CTNND2: variants seen among roughly 807,000 people sequenced by gnomAD.
The protein encoded by CTNND2 is catenin delta-2.
In CTNND2, 22 loss-of-function variants were observed where a neutral mutation model predicts 144.4. The ratio of observed to expected loss-of-function variants is 0.15; its 90% CI spans 0.11 to 0.22. The LOEUF (loss-of-function observed/expected upper bound fraction) is 0.22, where lower values mean the gene tolerates loss of function less well. Ranked by LOEUF, CTNND2 falls within the 10% of genes least tolerant of loss-of-function variation. The pLI, the probability that CTNND2 is intolerant of heterozygous loss-of-function variation, is 1.00. For missense variants in CTNND2, 1,353 were observed against 1,618.8 expected, an observed-to-expected ratio of 0.84 and a Z score of 2.82; for synonymous variants, 751 against 695.6, an observed-to-expected ratio of 1.08 and a Z score of -1.25.
intron 2 of CTNND2, among the ~76,000 whole-genome samples, chr5:11,655,278 G>A (rs1782853828): frequency 6.6e-6 from 1 of 151,456 alleles, no homozygotes; most frequent in Non-Finnish European, 1.5e-5. Flanking sequence ...TTTTTAGGCA[G>A]ATAATATTTA....
At chr5:11,062,131 A>G (rs894812624) in intron 16 of CTNND2, among the ~76,000 whole-genome samples, 1 of 152,250 alleles carries the variant, frequency 6.6e-6, no homozygotes, top group Non-Finnish European at 1.5e-5. Context: ...TGAATGAATG[A>G]GGAGATAAAT....
At chr5:11,131,325 T>G (rs1755571243) in intron 12 of CTNND2, among the ~76,000 whole-genome samples, 1 of 152,170 alleles carries the variant, frequency 6.6e-6, no homozygotes, top group South Asian at 2.1e-4. Context: ...ACCAATGTGA[T>G]CCAATTCCTT....
intron 1 of CTNND2, among the ~76,000 whole-genome samples, chr5:11,895,715 G>A (rs536227791): frequency 6.6e-6 from 1 of 152,208 alleles, no homozygotes; most frequent in Non-Finnish European, 1.5e-5. Context: ...AGACATGACA[G>A]AGTGACATAA....
chr5:11,212,661 G>A (rs987378520), intron 10 of CTNND2, among the ~76,000 whole-genome samples: 1 of 152,228 alleles, frequency 6.6e-6, no homozygotes, highest in Non-Finnish European at 1.5e-5. Context: ...AGCGTGGCAC[G>A]TTTCTAGAGA....
At position 11,334,709 on chromosome 5, in the gene CTNND2, G is replaced by C. The variant is rs73057820; in HGVS notation, c.1628+11663C>G. 7.7e-3 allele frequency among the ~76,000 whole-genome samples: 1,178 copies of C among 152,326 alleles called. 16 individuals are homozygous for C. The highest frequency in any genetic ancestry group is 0.027 in the African/African-American group (1,116 of 41,570). On this transcript the variant is annotated intron_variant, in intron 9 of 21. Coordinates refer to ENST00000304623, the MANE Select transcript of CTNND2 (RefSeq NM_001332.4). The stretch of plus-strand genomic sequence containing the variant: ...CTCACTGTAGCATCCTTCAAGAGCA[G>C]ATAGATAGGGTAGATGGAGGCCCTC...
intron 1 of CTNND2, among the ~76,000 whole-genome samples, chr5:11,739,715 A>C (rs1156323815): frequency 1.3e-5 from 2 of 152,312 alleles, no homozygotes; most frequent in African/African-American, 4.8e-5. Flanking sequence ...GGAGAAAGAA[A>C]TAACGGGTAT....
At chr5:11,708,288 G>T (rs976192317) in intron 2 of CTNND2, among the ~76,000 whole-genome samples, 1 of 151,928 alleles carries the variant, frequency 6.6e-6, no homozygotes, top group Non-Finnish European at 1.5e-5. Flanking sequence ...GTAATAAATT[G>T]TATTTAATTT....
At chr5:11,704,371 G>A (rs1369166875) in intron 2 of CTNND2, among the ~76,000 whole-genome samples, 2 of 152,132 alleles carry the variant, frequency 1.3e-5, no homozygotes, top group African/African-American at 2.4e-5. Flanking sequence ...TTTTCACTTC[G>A]GTCAAGAAAC....
chr5:11,086,281 A>C (rs1750134894), intron 15 of CTNND2, among the ~76,000 whole-genome samples: 1 of 152,098 alleles, frequency 6.6e-6, no homozygotes, highest in Non-Finnish European at 1.5e-5. Flanking sequence ...GAGATGGTCC[A>C]ATCACCAATC....
intron 9 of CTNND2, among the ~76,000 whole-genome samples, chr5:11,245,939 T>C (rs1310897350): frequency 5.9e-5 from 9 of 152,202 alleles, no homozygotes; most frequent in Admixed American, 4.6e-4. Context: ...CTCTCGTTCA[T>C]CTAAGAGTTG....
intron 18 of CTNND2, among the ~76,000 whole-genome samples, chr5:10,999,388 C>T (rs1437948507): frequency 1.3e-5 from 2 of 152,134 alleles, no homozygotes; most frequent in Non-Finnish European, 2.9e-5. Flanking sequence ...CCAGAGACTT[C>T]TTTTGTGAAT....
chr5:11,662,416 T>C (rs1783319715), intron 2 of CTNND2, among the ~76,000 whole-genome samples: 1 of 151,682 alleles, frequency 6.6e-6, no homozygotes, highest in African/African-American at 2.4e-5. Context: ...GCTGAAGAAC[T>C]TGGAGTCCAA....
At chr5:11,033,585 C>T (rs1370783173) in intron 16 of CTNND2, among the ~76,000 whole-genome samples, 1 of 152,136 alleles carries the variant, frequency 6.6e-6, no homozygotes, top group Middle Eastern at 3.2e-3. Context: ...AATCCCAGCA[C>T]TTTGGGAGGC....
intron 2 of CTNND2, among the ~76,000 whole-genome samples, chr5:11,729,775 T>C (rs901230472): frequency 2.0e-5 from 3 of 152,222 alleles, no homozygotes; most frequent in Admixed American, 1.3e-4. Context: ...CAAAAAATTA[T>C]AGCAATTTAT....
chr5:11,616,603 C>T (rs1780593150), intron 2 of CTNND2, among the ~76,000 whole-genome samples: 1 of 148,320 alleles, frequency 6.7e-6, no homozygotes. Context: ...TCCTTCCTTC[C>T]TCCTTCCTTC....
At chr5:11,854,032 C>T (rs1795138707) in intron 1 of CTNND2, among the ~76,000 whole-genome samples, 1 of 152,188 alleles carries the variant, frequency 6.6e-6, no homozygotes, top group Non-Finnish European at 1.5e-5. Context: ...ATAAACAAGG[C>T]CCTGGAAAAC....
chr5:11,377,688 G>A (rs1758076176), intron 7 of CTNND2, among the ~76,000 whole-genome samples: 1 of 152,148 alleles, frequency 6.6e-6, no homozygotes, highest in Non-Finnish European at 1.5e-5. Flanking sequence ...TAACTTCTGT[G>A]AAGGAAACAA....
At chr5:11,086,266 GA>G (rs1052760683) in intron 15 of CTNND2, among the ~76,000 whole-genome samples, 4 of 152,186 alleles carry the variant, frequency 2.6e-5, no homozygotes, top group African/African-American at 9.6e-5. Context: ...CAGGACCCTG[GA>G]CCGGAGATGG....
intron 2 of CTNND2, among the ~76,000 whole-genome samples, chr5:11,673,465 C>T (rs1784013557): frequency 6.6e-6 from 1 of 151,980 alleles, no homozygotes; most frequent in African/African-American, 2.4e-5. Context: ...AATGGTTAAG[C>T]AAAGACTTAT....
Sources: gnomAD v4.1 joint callset for allele counts (sites outside exome capture counted in the v4.1 genomes callset) on GRCh38, gnomAD v4.1.1 for gene constraint, MANE v1.5 for transcripts, NCBI Gene and HGNC (gene_info 2026-07-23, HGNC 2026-07-21) for gene names.